The following GLIS1 variants were observed in gnomAD, a reference collection of about 807,000 sequenced individuals.
GLIS1 encodes GLIS family zinc finger 1, also known as zinc finger protein GLIS1.
Under a neutral mutation model 63.8 loss-of-function variants are expected in GLIS1, and 24 were observed. That is an observed-to-expected ratio of 0.38 (90% CI 0.27 to 0.53). The LOEUF is 0.53. GLIS1 is among the 20% of genes least tolerant of loss of function. GLIS1 has a pLI of 0.85. For synonymous variants in GLIS1, 450 were observed against 482.5 expected, an observed-to-expected ratio of 0.93 and a Z score of 0.88; for missense variants, 1,036 against 1,074.1, an observed-to-expected ratio of 0.96 and a Z score of 0.50.
Position 53,594,760 on chromosome 1 carries a change from C to A in GLIS1, c.668G>T (p.Gly223Val). ...GTGGGTCTCGGGCTGGAGGCCCAGG[C>A]CAGAGCTGGGTTCGCTGCCCAGAAG... ...CYLLGSEPSS[G>V]LGLQPETHLP... Residue 223 changes from glycine (G) to valine (V), a missense_variant, in exon 4 of 11, where the codon GGC becomes GTC. Gly to Val is a moderately radical substitution (Grantham distance 109). Coordinates refer to ENST00000628545, the MANE Select transcript of GLIS1 (RefSeq NM_001367484.1). The A allele has an allele frequency of 6.3e-7, 1 of 1,593,868 alleles. No individual in the cohort carries two copies.
chr1:53,654,734 A>G (rs1645945891), intron 2 of GLIS1, among the ~76,000 whole-genome samples: 1 of 152,174 alleles, frequency 6.6e-6, no homozygotes, highest in Non-Finnish European at 1.5e-5. Flanking sequence ...AGGCGACTGC[A>G]GCCCGGCCAG....
chr1:53,534,198 C>A (rs2100345871), intron 4 of GLIS1, among the ~76,000 whole-genome samples: 1 of 152,054 alleles, frequency 6.6e-6, no homozygotes, highest in Admixed American at 6.5e-5. Flanking sequence ...ATGCATGGGG[C>A]TTGTGAGACC....
intron 4 of GLIS1, among the ~76,000 whole-genome samples, chr1:53,570,395 T>C (rs1644973466): frequency 6.6e-6 from 1 of 152,170 alleles, no homozygotes; most frequent in Non-Finnish European, 1.5e-5. Context: ...TAGCTGGTAT[T>C]ACGAGTGTAA....
intron 2 of GLIS1, among the ~76,000 whole-genome samples, chr1:53,615,733 ATTCATTTAT>A (rs1645474708): frequency 7.1e-6 from 1 of 140,666 alleles, no homozygotes; most frequent in Admixed American, 6.9e-5. Context: ...TATTTATTTT[ATTCATTTAT>A]TTATTTTATT....
At chr1:53,597,660 G>A (rs538756058) in intron 3 of GLIS1, among the ~76,000 whole-genome samples, 23 of 152,260 alleles carry the variant, frequency 1.5e-4, no homozygotes, top group East Asian at 1.4e-3. Flanking sequence ...CAAGGCCGTC[G>A]GGCGGTTGGG....
chr1:53,626,227 TG>T (rs2100222745), intron 2 of GLIS1, among the ~76,000 whole-genome samples: 1 of 152,320 alleles, frequency 6.6e-6, no homozygotes, highest in Non-Finnish European at 1.5e-5. Context: ...CTGCAGCTAG[TG>T]GGGTTGCTAA....
chr1:53,720,827 C>T (rs1446170191), intron 2 of GLIS1, among the ~76,000 whole-genome samples: 3 of 152,040 alleles, frequency 2.0e-5, no homozygotes, highest in Non-Finnish European at 4.4e-5. Context: ...AGTGAAACTC[C>T]ACTACTACAA....
chr1:53,590,360 A>G (rs1645177042), intron 4 of GLIS1, among the ~76,000 whole-genome samples: 1 of 152,060 alleles, frequency 6.6e-6, no homozygotes, highest in South Asian at 2.1e-4. Context: ...TGCCTTCCGG[A>G]CCGTGCTCAC....
chr1:53,704,570 G>A (rs1570077948), intron 2 of GLIS1, among the ~76,000 whole-genome samples: 1 of 152,198 alleles, frequency 6.6e-6, no homozygotes, highest in East Asian at 1.9e-4. Context: ...GAAAGGAAGG[G>A]AGAGAAGGGG....
chr1:53,709,395 C>CAT lies in GLIS1; in HGVS notation c.259+28409_259+28410dup, dbSNP rs201281751. On this transcript the variant is annotated intron_variant, in intron 2 of 10. Coordinates refer to ENST00000628545, the MANE Select transcript of GLIS1 (RefSeq NM_001367484.1). The stretch of plus-strand genomic sequence containing the variant: ...ATATATACATATATACATATATATA[C>CAT]ATATACATATATATATACACACACA... 1.0e-3 allele frequency among the ~76,000 whole-genome samples: 22 copies of CAT among 22,058 alleles called. 1 individual carries two copies. Among genetic ancestry groups the CAT allele is most frequent in the East Asian group, 6.3e-3 (4 of 630 alleles). The allele number at this position is 22,058 out of a possible 152,430, so 14.5% of individuals were successfully genotyped here. A position where few individuals can be genotyped will look rare whatever the true frequency, so the allele number is the denominator to read the frequency against.
chr1:53,656,498 T>C (rs1483079535), intron 2 of GLIS1, among the ~76,000 whole-genome samples: 3 of 152,054 alleles, frequency 2.0e-5, no homozygotes, highest in Non-Finnish European at 4.4e-5. Context: ...TGGCAGGAAA[T>C]TCCTCTAAAA....
chr1:53,513,397 C>G (rs1421880872), intron 8 of GLIS1, among the ~76,000 whole-genome samples: 1 of 152,168 alleles, frequency 6.6e-6, no homozygotes, highest in Non-Finnish European at 1.5e-5. Context: ...GCCTTGGGAT[C>G]TGGACCTGGC....
At chr1:53,590,351 G>A (rs1645176852) in intron 4 of GLIS1, among the ~76,000 whole-genome samples, 1 of 152,136 alleles carries the variant, frequency 6.6e-6, no homozygotes, top group Admixed American at 6.5e-5. Context: ...CTCTGCACAT[G>A]CCTTCCGGAC....
intron 4 of GLIS1, among the ~76,000 whole-genome samples, chr1:53,540,370 G>C (rs7540317): frequency 0.37 from 55,977 of 151,976 alleles, 10,498 homozygotes; most frequent in Admixed American, 0.4. Context: ...CAGGCCTCCA[G>C]CCTCAACCCT....
intron 2 of GLIS1, among the ~76,000 whole-genome samples, chr1:53,626,825 G>C (rs1425727053): frequency 6.6e-6 from 1 of 152,248 alleles, no homozygotes; most frequent in Non-Finnish European, 1.5e-5. Context: ...CCTGCAGACA[G>C]AGCTGTGGCT....
chr1:53,528,108 G>C (rs891946292), intron 5 of GLIS1, among the ~76,000 whole-genome samples: 5 of 152,202 alleles, frequency 3.3e-5, no homozygotes, highest in Admixed American at 1.3e-4. Flanking sequence ...CTGGGGCACA[G>C]AGCGTGCCTC....
intron 6 of GLIS1, among the ~76,000 whole-genome samples, chr1:53,522,973 TTTTC>T (rs1644425050): frequency 3.6e-5 from 3 of 83,882 alleles, no homozygotes; most frequent in Non-Finnish European, 6.9e-5. Context: ...TTTCTTTTTC[TTTTC>T]TTTTCTTTCT....
intron 4 of GLIS1, among the ~76,000 whole-genome samples, chr1:53,563,892 A>G (rs1207274088): frequency 6.6e-6 from 1 of 152,220 alleles, no homozygotes; most frequent in Non-Finnish European, 1.5e-5. Flanking sequence ...GCAACGTTAT[A>G]ATATTTTCAA....
chr1:53,703,971 C>T (rs1182785523), intron 2 of GLIS1, among the ~76,000 whole-genome samples: 1 of 152,262 alleles, frequency 6.6e-6, no homozygotes, highest in African/African-American at 2.4e-5. Context: ...ACAACCAAAA[C>T]CGCACACATT....
Sources: allele counts gnomAD v4.1 joint callset (sites outside exome capture counted in the v4.1 genomes callset), GRCh38; gene constraint gnomAD v4.1.1; transcripts MANE v1.5; gene names NCBI Gene and HGNC (gene_info 2026-07-23, HGNC 2026-07-21).